The following KAT6B variants were observed in gnomAD, a reference collection of about 807,000 sequenced individuals.
KAT6B encodes the protein lysine acetyltransferase 6B.
In KAT6B, 10 loss-of-function variants were observed where a neutral mutation model predicts 187.5. The observed-to-expected ratio is 0.05, with a 90% CI of 0.03 to 0.09. The LOEUF (loss-of-function observed/expected upper bound fraction) is 0.09. KAT6B is among the 10% of genes least tolerant of loss of function. KAT6B has a pLI of 1.00. For synonymous variants in KAT6B, 861 were observed against 926.8 expected (o/e 0.93, Z 1.29); for missense variants, 1,952 against 2,558.9 (o/e 0.76, Z 5.12).
At chr10:74,919,725 C>A (rs1424299856) in intron 3 of KAT6B, among the ~76,000 whole-genome samples, 2 of 152,102 alleles carry the variant, frequency 1.3e-5, no homozygotes, top group African/African-American at 2.4e-5. Context: ...CTTTTAATCT[C>A]ATTTTCAGTC....
chr10:74,969,981 G>A (rs779388867), intron 5 of KAT6B, 39 bp from the exon 6 acceptor site: 2 of 1,478,170 alleles, frequency 1.4e-6, no homozygotes, highest in Non-Finnish European at 1.9e-6. Context: ...TTTACAGTTG[G>A]TTTCAGTCTC....
chr10:74,888,967 T>C (rs1845475333), intron 3 of KAT6B, among the ~76,000 whole-genome samples: 1 of 152,250 alleles, frequency 6.6e-6, no homozygotes, highest in South Asian at 2.1e-4. Context: ...TTCTAAAACA[T>C]GCTTTTCAGA....
At chr10:75,010,166 C>T (rs1844498538) in intron 13 of KAT6B, among the ~76,000 whole-genome samples, 1 of 152,188 alleles carries the variant, frequency 6.6e-6, no homozygotes, top group Non-Finnish European at 1.5e-5. Context: ...AACCATTGAT[C>T]TCCAGAGGCT....
intron 1 of KAT6B, among the ~76,000 whole-genome samples, chr10:74,835,103 G>A (rs146915362): frequency 9.9e-4 from 151 of 152,286 alleles, no homozygotes; most frequent in African/African-American, 3.4e-3. Context: ...ACACAAGTAA[G>A]CATAATACTA....
chr10:74,848,243 G>T (rs1842243354), intron 3 of KAT6B, among the ~76,000 whole-genome samples: 1 of 152,190 alleles, frequency 6.6e-6, no homozygotes, highest in Admixed American at 6.5e-5. Context: ...TATGGCTAGG[G>T]TCTATAGCAA....
chr10:74,838,929 C>T (rs1313427439), intron 2 of KAT6B, among the ~76,000 whole-genome samples, 177 bp downstream of exon 2: 2 of 151,964 alleles, frequency 1.3e-5, no homozygotes, highest in Non-Finnish European at 2.9e-5. Flanking sequence ...CCGAAGTGGG[C>T]GGATCACGAG....
intron 1 of KAT6B, among the ~76,000 whole-genome samples, chr10:74,827,622 G>A (rs778720639): frequency 1.6e-4 from 24 of 151,672 alleles, no homozygotes; most frequent in Non-Finnish European, 3.1e-4. Flanking sequence ...GAGAGAGGCT[G>A]CTTAGAACTT....
intron 3 of KAT6B, among the ~76,000 whole-genome samples, chr10:74,928,530 A>G (rs1320285103): frequency 6.6e-6 from 1 of 152,182 alleles, no homozygotes; most frequent in African/African-American, 2.4e-5. Context: ...ACTACAGAAT[A>G]AATATTTATA....
chr10:74,963,723 A>G (rs934619216), intron 4 of KAT6B, among the ~76,000 whole-genome samples: 6 of 152,208 alleles, frequency 3.9e-5, no homozygotes, highest in African/African-American at 1.4e-4. Flanking sequence ...AGGTCACCCC[A>G]GGAGTTGGTT....
At chr10:74,926,770 A>G (rs1172524197) in intron 3 of KAT6B, among the ~76,000 whole-genome samples, 2 of 152,220 alleles carry the variant, frequency 1.3e-5, no homozygotes, top group African/African-American at 4.8e-5. Flanking sequence ...GGCATGGGAC[A>G]GAGGTTTTGT....
intron 3 of KAT6B, among the ~76,000 whole-genome samples, chr10:74,916,539 T>G (rs1451209328): frequency 6.6e-6 from 1 of 152,252 alleles, no homozygotes; most frequent in Non-Finnish European, 1.5e-5. Flanking sequence ...TCAACTGGTT[T>G]TATATTACCC....
chr10:74,909,565 A>C (rs755355249), intron 3 of KAT6B, among the ~76,000 whole-genome samples: 2 of 152,174 alleles, frequency 1.3e-5, no homozygotes, highest in Non-Finnish European at 2.9e-5. Context: ...TCCTTTGTGC[A>C]TAAGCTCCAG....
intron 4 of KAT6B, among the ~76,000 whole-genome samples, chr10:74,968,633 G>A (rs989810479): frequency 1.3e-5 from 2 of 151,974 alleles, no homozygotes; most frequent in African/African-American, 2.4e-5. Flanking sequence ...TTACCCCTCA[G>A]GTTTCCTTTG....
chr10:74,874,686 T>C (rs1386243394), intron 3 of KAT6B, among the ~76,000 whole-genome samples: 2 of 152,118 alleles, frequency 1.3e-5, no homozygotes, highest in African/African-American at 2.4e-5. Flanking sequence ...CAGCCTTTCT[T>C]AGTTGATTTC....
At chr10:74,940,516 C>T (rs1358133201) in intron 3 of KAT6B, among the ~76,000 whole-genome samples, 2 of 151,382 alleles carry the variant, frequency 1.3e-5, no homozygotes, top group Admixed American at 6.6e-5. Flanking sequence ...CCTCGTGATT[C>T]GCCCGCCTCA....
chr10:74,861,360 C>T (rs1843174667), intron 3 of KAT6B, among the ~76,000 whole-genome samples: 1 of 152,142 alleles, frequency 6.6e-6, no homozygotes, highest in Non-Finnish European at 1.5e-5. Flanking sequence ...TTCAAACGAT[C>T]ATTGGAGTGA....
At chr10:74,899,155 C>T (rs1193472946) in intron 3 of KAT6B, among the ~76,000 whole-genome samples, 2 of 147,562 alleles carry the variant, frequency 1.4e-5, no homozygotes, top group African/African-American at 2.5e-5. Flanking sequence ...AGCAGTACTC[C>T]ATCTCAAAAA....
At chr10:74,853,349 T>C (rs1313144421) in intron 3 of KAT6B, among the ~76,000 whole-genome samples, 1 of 150,530 alleles carries the variant, frequency 6.6e-6, no homozygotes, top group Non-Finnish European at 1.5e-5. Context: ...AGTGCAGCCG[T>C]GTAATCATGG....
chr10:74,977,493 T>C, intron 9 of KAT6B, 56 bp downstream of exon 9: 1 of 1,588,400 alleles, frequency 6.3e-7, no homozygotes, highest in Non-Finnish European at 8.6e-7. Flanking sequence ...TTCTAACTAT[T>C]AATATGGAAT....
Sources: allele counts gnomAD v4.1 joint callset (sites outside exome capture counted in the v4.1 genomes callset), GRCh38; gene constraint gnomAD v4.1.1; transcripts MANE v1.5; gene names NCBI Gene and HGNC (gene_info 2026-07-23, HGNC 2026-07-21).